Variants in STPG2 observed in about 807,000 individuals in gnomAD.
The protein encoded by STPG2 is sperm-tail PG-rich repeat-containing protein 2.
In STPG2, 56 loss-of-function variants were observed where a neutral mutation model predicts 54.2. The observed-to-expected ratio is 1.03, with a 90% CI of 0.83 to 1.29. The LOEUF (loss-of-function observed/expected upper bound fraction) is 1.29, where lower values mean the gene tolerates loss of function less well. Ranked by LOEUF, STPG2 falls within the 50% of genes most tolerant of loss-of-function variation. The probability of loss-of-function intolerance (pLI) is 0.00; values close to 1 mark genes in which losing one functional copy is unlikely to be tolerated. For synonymous variants in STPG2, 200 were observed against 181.8 expected (o/e 1.10, Z -0.81); for missense variants, 596 against 544.9 (o/e 1.09, Z -0.93).
At chr4:97,646,366 G>A (rs1046909992) in intron 10 of STPG2, among the ~76,000 whole-genome samples, 2 of 151,978 alleles carry the variant, frequency 1.3e-5, no homozygotes, top group Non-Finnish European at 2.9e-5. Context: ...TTGCAAAGCG[G>A]CCACTTAATA....
At position 98,012,723 on chromosome 4, in the gene STPG2, G is replaced by A. The variant is rs191967535; in HGVS notation, c.613-31405C>T. Among the ~76,000 whole-genome samples the A allele has an allele frequency of 3.2e-3, 489 of 152,270 alleles. 2 individuals carry two copies. The highest frequency in any genetic ancestry group is 6.3e-3 in the Admixed American group (96 of 15,280). On this transcript the variant is annotated intron_variant, in intron 5 of 10. Transcript: ENST00000295268. Reference sequence around the variant, plus strand: ...TTCTCTTTGTAGCAATTGTGAATGGGAGTTCATTCATGATTTGGCTCTCTG... The same window carrying A: ...TTCTCTTTGTAGCAATTGTGAATGGAAGTTCATTCATGATTTGGCTCTCTG...
At chr4:97,952,591 G>T (rs1456204080) in intron 7 of STPG2, among the ~76,000 whole-genome samples, 4 of 152,092 alleles carry the variant, frequency 2.6e-5, no homozygotes, top group Non-Finnish European at 5.9e-5. Context: ...GGTTGGTGCT[G>T]GGAAAGTCTG....
chr4:97,568,265 A>G (rs1182269666), intron 10 of STPG2, among the ~76,000 whole-genome samples: 1 of 152,196 alleles, frequency 6.6e-6, no homozygotes, highest in East Asian at 1.9e-4. Flanking sequence ...TATATTGGGT[A>G]TTACCATCCT....
chr4:97,797,839 C>G (rs978943815), intron 9 of STPG2, among the ~76,000 whole-genome samples: 21 of 152,100 alleles, frequency 1.4e-4, no homozygotes, highest in Admixed American at 3.3e-4. Flanking sequence ...GGTTGGTAGG[C>G]TATTAATTAT....
intron 5 of STPG2, among the ~76,000 whole-genome samples, chr4:98,016,099 T>C (rs9992470): frequency 0.39 from 59,929 of 151,850 alleles, 12,054 homozygotes; most frequent in Middle Eastern, 0.46. Context: ...GGAGAAATAC[T>C]TAATGTAGAT....
chr4:98,017,750 G>C (rs961430047), intron 5 of STPG2, among the ~76,000 whole-genome samples: 1 of 152,156 alleles, frequency 6.6e-6, no homozygotes, highest in African/African-American at 2.4e-5. Flanking sequence ...CACATGTTGA[G>C]GGAGGACCTG....
chr4:97,979,800 C>G (rs1734612838), intron 6 of STPG2, among the ~76,000 whole-genome samples: 1 of 151,444 alleles, frequency 6.6e-6, no homozygotes, highest in African/African-American at 2.4e-5. Flanking sequence ...TCTCGGCTCA[C>G]TGCAACCTCC....
chr4:97,771,477 A>G (rs771120089), intron 9 of STPG2, among the ~76,000 whole-genome samples: 1 of 152,068 alleles, frequency 6.6e-6, no homozygotes, highest in Non-Finnish European at 1.5e-5. Context: ...CCCAGACCAG[A>G]GCTGGTCTGT....
chr4:97,742,806 A>C (rs139463146), intron 9 of STPG2, among the ~76,000 whole-genome samples: 156 of 151,828 alleles, frequency 1.0e-3, no homozygotes, highest in Non-Finnish European at 1.5e-3. Flanking sequence ...AGTTTCAGTG[A>C]TATAGGATGA....
chr4:97,949,902 G>T (rs892591733), intron 7 of STPG2, among the ~76,000 whole-genome samples: 4 of 151,646 alleles, frequency 2.6e-5, no homozygotes, highest in Non-Finnish European at 5.9e-5. Context: ...TTTTGTTTTT[G>T]CAATGAATCT....
intron 7 of STPG2, among the ~76,000 whole-genome samples, chr4:97,963,495 A>AT (rs906375619): frequency 1.1e-4 from 16 of 151,838 alleles, no homozygotes; most frequent in Admixed American, 2.6e-4. Flanking sequence ...TCTATGAAAA[A>AT]TTTTTTTAAA....
At chr4:98,076,399 TTC>T (rs1215656552) in intron 5 of STPG2, among the ~76,000 whole-genome samples, 4 of 152,344 alleles carry the variant, frequency 2.6e-5, no homozygotes, top group African/African-American at 9.6e-5. Context: ...GCTTGCTACT[TTC>T]TGACTCATAT....
At chr4:97,858,739 T>A (rs1169175043) in intron 8 of STPG2, among the ~76,000 whole-genome samples, 1 of 152,226 alleles carries the variant, frequency 6.6e-6, no homozygotes, top group Non-Finnish European at 1.5e-5. Flanking sequence ...TCATTTCTTT[T>A]CATTGCTGAG....
At chr4:97,740,400 T>C (rs1192870123) in intron 9 of STPG2, among the ~76,000 whole-genome samples, 1 of 152,086 alleles carries the variant, frequency 6.6e-6, no homozygotes, top group Non-Finnish European at 1.5e-5. Context: ...GGTATTCAAT[T>C]AGGAAAAGAG....
chr4:97,509,603 T>C (rs925013202), intron 4 of STPG2, among the ~76,000 whole-genome samples: 1 of 152,082 alleles, frequency 6.6e-6, no homozygotes, highest in Non-Finnish European at 1.5e-5. Context: ...TTTTTTTAGG[T>C]GTTAACACTA....
chr4:97,637,271 G>A (rs1258689519), intron 10 of STPG2, among the ~76,000 whole-genome samples: 2 of 152,176 alleles, frequency 1.3e-5, no homozygotes, highest in African/African-American at 2.4e-5. Flanking sequence ...ATGCAGAAAA[G>A]GCCTTTGACA....
In STPG2 at chr4:97,658,648, T is replaced by C. The variant is rs546999125; in HGVS notation, c.1320+54051A>G. Among the ~76,000 whole-genome samples the C allele has an allele frequency of 1.4e-4, 22 of 152,280 alleles. No homozygotes were observed. In the South Asian group the frequency reaches 4.6e-3, roughly 32 times the overall value. On this transcript the variant is annotated intron_variant, in intron 10 of 10. Transcript: ENST00000295268. ...CATAAAGAAAGAGGCCAAGAGAGAC[T>C]GGGTACGAGGCCAGACTAAGAGGAT...
chr4:97,653,336 T>A (rs1193312462), intron 10 of STPG2, among the ~76,000 whole-genome samples: 2 of 151,824 alleles, frequency 1.3e-5, no homozygotes, highest in African/African-American at 4.8e-5. Context: ...TGACTTTATA[T>A]AATGTAACAT....
chr4:97,537,757 C>T (rs1475355276), intron 4 of STPG2, among the ~76,000 whole-genome samples: 2 of 152,188 alleles, frequency 1.3e-5, no homozygotes, highest in African/African-American at 4.8e-5. Context: ...TCAAGTGGGT[C>T]CCTGACCCCT....
Sources: gnomAD v4.1 joint callset for allele counts (sites outside exome capture counted in the v4.1 genomes callset) on GRCh38, gnomAD v4.1.1 for gene constraint, MANE v1.5 for transcripts, NCBI Gene and HGNC (gene_info 2026-07-23, HGNC 2026-07-21) for gene names.